NENF: variants seen among roughly 807,000 people sequenced by gnomAD.
NENF encodes the protein neudesin.
In NENF, 6 loss-of-function variants were observed where a neutral mutation model predicts 14.8. The ratio of observed to expected loss-of-function variants is 0.40; its 90% CI spans 0.22 to 0.80. The LOEUF (loss-of-function observed/expected upper bound fraction) is 0.80, where lower values mean the gene tolerates loss of function less well. Among genes scored for constraint, NENF ranks in the 30% least tolerant of loss-of-function variants. The pLI is 0.34. For synonymous variants in NENF, 76 were observed against 95.1 expected (o/e 0.80, Z 1.17); for missense variants, 184 against 212.7 (o/e 0.87, Z 0.84).
At chr1:212,443,977 G>A (rs181558101) in intron 2 of NENF, among the ~76,000 whole-genome samples, 8 of 152,192 alleles carry the variant, frequency 5.3e-5, no homozygotes, top group Admixed American at 6.5e-5. Context: ...GCTTGAACCC[G>A]GGAGGTGGAG....
At chr1:212,436,479 T>A (rs1662603839) in intron 1 of NENF, among the ~76,000 whole-genome samples, 1 of 152,042 alleles carries the variant, frequency 6.6e-6, no homozygotes, top group Admixed American at 6.5e-5. Context: ...CCAGCTACTT[T>A]TGGTATTTTT....
At chr1:212,439,150 A>G (rs894357426) in intron 1 of NENF, among the ~76,000 whole-genome samples, 2 of 152,208 alleles carry the variant, frequency 1.3e-5, no homozygotes, top group Non-Finnish European at 2.9e-5. Flanking sequence ...AATGCTAAAC[A>G]TTCTTTTCTT....
rs143929388 is a variant in NENF, at chr1:212,440,215, G to A, written c.178-2350G>A. Among the ~76,000 whole-genome samples the A allele has an allele frequency of 6.2e-3, 851 of 137,202 alleles. 4 individuals are homozygous for A. Among genetic ancestry groups the A allele is most frequent in the African/African-American group, 0.023 (816 of 35,766 alleles). The allele number at this position is 137,202 out of a possible 152,430, so 90.0% of individuals were successfully genotyped here. ...TGCAGTGAGCCGATATTGTACCACTGCACTCCAGTCTGGGTGACAGAGTAA... is the reference window on the plus strand; with the variant it reads ...TGCAGTGAGCCGATATTGTACCACTACACTCCAGTCTGGGTGACAGAGTAA... On this transcript the variant is annotated intron_variant, in intron 1 of 3. Coordinates refer to ENST00000366988, the MANE Select transcript of NENF (RefSeq NM_013349.5).
At chr1:212,435,829 G>A (rs1030078174) in intron 1 of NENF, among the ~76,000 whole-genome samples, 7 of 152,106 alleles carry the variant, frequency 4.6e-5, no homozygotes, top group African/African-American at 7.2e-5. Context: ...ACACGTGTGA[G>A]CCTCCATGCC....
In NENF at chr1:212,444,314, G is replaced by A. The variant is rs1434927457; in HGVS notation, c.239-25G>A. ...ACTCTGCATGTAAACCCACGCTTAC[G>A]TCTCTTCCTTCCTTCCCACTACAGA... On this transcript the variant is annotated intron_variant, in intron 2 of 3. Coordinates refer to ENST00000366988, the MANE Select transcript of NENF (RefSeq NM_013349.5). 8.5e-6 allele frequency: 13 copies of A among 1,522,954 alleles called. No individual in the cohort carries two copies. The East Asian group carries it at 2.6e-4, about 30-fold the overall frequency. 94.3% of individuals were successfully genotyped at this position (1,522,954 alleles called of 1,614,324 possible). A position where few individuals can be genotyped will look rare whatever the true frequency, so the allele number is the denominator to read the frequency against.
At chr1:212,434,125 T>C (rs964476152) in intron 1 of NENF, among the ~76,000 whole-genome samples, 2 of 152,202 alleles carry the variant, frequency 1.3e-5, no homozygotes, top group African/African-American at 4.8e-5. Context: ...GATGCCAGTT[T>C]GGGCATCATT....
Position 212,444,431 on chromosome 1 carries a change from A to C in NENF, c.331A>C (p.Thr111Pro). The C allele has an allele frequency of 1.3e-6, 2 of 1,599,380 alleles. No homozygotes were observed. The highest frequency in any genetic ancestry group is 1.7e-6 in the Non-Finnish European group (2 of 1,171,934). ...AKMSLDPADL[T>P]HDTTGLTAKE... ...GATGTCCTTGGATCCTGCAGACCTC[A>C]CCCATGACACTGTGAGCCAGATTAT... is the stretch of plus-strand genomic sequence containing the variant. Residue 111 changes from threonine (T) to proline (P), a missense_variant, in exon 3 of 4, where the codon ACC becomes CCC. By Grantham distance (38) the Thr-to-Pro change is conservative. Coordinates refer to ENST00000366988, the MANE Select transcript of NENF (RefSeq NM_013349.5).
intron 1 of NENF, among the ~76,000 whole-genome samples, chr1:212,436,129 A>G (rs1253310663): frequency 2.0e-5 from 3 of 152,146 alleles, no homozygotes; most frequent in Non-Finnish European, 4.4e-5. Flanking sequence ...GGACCCATGC[A>G]GTTCAAACCT....
intron 2 of NENF, among the ~76,000 whole-genome samples, chr1:212,443,880 C>G (rs1369987833): frequency 7.0e-6 from 1 of 143,056 alleles, no homozygotes; most frequent in Non-Finnish European, 1.5e-5. Context: ...CCCATCTCTT[C>G]AAAAAAAAAA....
rs573957171 is a variant in NENF, at chr1:212,443,716, A to G, written c.239-623A>G. Among the ~76,000 whole-genome samples the G allele has an allele frequency of 5.1e-4, 77 of 152,136 alleles. 5 individuals carry two copies. In the South Asian group the frequency reaches 0.016, roughly 31 times the overall value. On this transcript the variant is annotated intron_variant, in intron 2 of 3. Transcript: ENST00000366988. ...GCATCTCTAATATTTTTAAGAGACT[A>G]TTTTCTCAGTATTAACACTTAGGTG...
chr1:212,433,034 G>A lies in NENF; in HGVS notation c.91G>A (p.Ala31Thr). ...ALAPGLPTAR[A>T]GQTPRPAERG... Reference sequence around the variant, plus strand: ...GGCCCCGGGGCTGCCCACAGCCCGGGCCGGGCAGACACCGCGCCCTGCCGA... The same window carrying A: ...GGCCCCGGGGCTGCCCACAGCCCGGACCGGGCAGACACCGCGCCCTGCCGA... Residue 31 changes from alanine (A) to threonine (T), a missense_variant, in exon 1 of 4, where the codon GCC becomes ACC. Ala to Thr is a moderately conservative substitution (Grantham distance 58). Transcript: ENST00000366988. This position sits in a 1 kb window ranked among gnomAD's most constrained non-coding sequence, Gnocchi z 5.5. 5.9e-6 allele frequency: 7 copies of A among 1,183,340 alleles called. No homozygotes were observed. The highest frequency in any genetic ancestry group is 7.3e-6 in the Non-Finnish European group (7 of 956,604). 73.3% of individuals were successfully genotyped at this position (1,183,340 alleles called of 1,614,324 possible).
At chr1:212,441,900 T>C (rs375128850) in intron 1 of NENF, among the ~76,000 whole-genome samples, 2 of 152,238 alleles carry the variant, frequency 1.3e-5, no homozygotes, top group East Asian at 1.9e-4. Flanking sequence ...ATTGCTCATA[T>C]CAGTCACATC....
At chr1:212,439,261 A>G (rs1055359118) in intron 1 of NENF, among the ~76,000 whole-genome samples, 3 of 152,080 alleles carry the variant, frequency 2.0e-5, no homozygotes, top group African/African-American at 7.2e-5. Context: ...TGCTGGGTGC[A>G]GTGGCTCACG....
At chr1:212,436,079 C>T (rs576453885) in intron 1 of NENF, among the ~76,000 whole-genome samples, 1 of 152,254 alleles carries the variant, frequency 6.6e-6, no homozygotes, top group African/African-American at 2.4e-5. Context: ...GTGTTGCTAT[C>T]TCAGGGGTGG....
At chr1:212,444,955 G>C (rs1662756875) in intron 3 of NENF, among the ~76,000 whole-genome samples, 3 of 152,158 alleles carry the variant, frequency 2.0e-5, no homozygotes, top group Admixed American at 2.0e-4. Context: ...GGAGAAGATA[G>C]CATTAAAACA....
rs57220444 is a variant in NENF, at chr1:212,444,518, CGTGTGTGTGTGT to C, written c.342+115_342+126del. On this transcript the variant is annotated intron_variant, in intron 3 of 3. Coordinates refer to ENST00000366988, the MANE Select transcript of NENF (RefSeq NM_013349.5). Reference sequence around the variant, plus strand: ...CTTTTTCTCTTTTTCTTTTTCTTTTCGTGTGTGTGTGTGTGTGTGTGTGTGTGTGTGTGTGTG... The same window carrying C: ...CTTTTTCTCTTTTTCTTTTTCTTTTCGTGTGTGTGTGTGTGTGTGTGTGTG... The C allele has an allele frequency of 3.0e-3, 1,503 of 497,246 alleles. 1 individual carries two copies. The highest frequency in any genetic ancestry group is 3.7e-3 in the Non-Finnish European group (1,149 of 309,986). 30.8% of individuals were successfully genotyped at this position (497,246 alleles called of 1,614,324 possible). A position where few individuals can be genotyped will look rare whatever the true frequency, so the allele number is the denominator to read the frequency against.
Position 212,433,355 on chromosome 1 carries a change from A to G in NENF, c.177+235A>G, listed in dbSNP as rs1662551940. Among the ~76,000 whole-genome samples, 1 of 151,958 alleles carries G rather than the reference A, an allele frequency of 6.6e-6. No homozygotes were observed. On this transcript the variant is annotated intron_variant, in intron 1 of 3. Transcript: ENST00000366988. The surrounding 1 kb of genome is among the most constrained non-coding windows in gnomAD (Gnocchi z 5.5). ...CGCTTTGCCCGCACACCCCACCCTG[A>G]ACTTCTCCCTCGGTCCCCGGGAGAT...
rs1482186335 is a variant in NENF, at chr1:212,442,571, C to G, written c.184C>G (p.Gln62Glu). ...CTTCTCCCCTGCTTTCTAGGAAGAT[C>G]AGCCCATCTACTTGGCAGTGAAGGG... Reference protein sequence around the residue: ...LARYGGEEEDQPIYLAVKGVV... With the variant: ...LARYGGEEEDEPIYLAVKGVV... The change falls in exon 2 of 4, where the codon CAG (glutamine) becomes GAG (glutamate). Residue 62 changes from glutamine to glutamate, a missense_variant. By Grantham distance (29) the Gln-to-Glu change is conservative (BLOSUM62 2). Transcript: ENST00000366988. 5.0e-6 allele frequency: 8 copies of G among 1,612,806 alleles called. No individual in the cohort carries two copies. The highest frequency in any genetic ancestry group is 6.8e-6 in the Non-Finnish European group (8 of 1,178,888).
intron 3 of NENF, among the ~76,000 whole-genome samples, chr1:212,444,922 C>T (rs894877880): frequency 2.6e-5 from 4 of 152,110 alleles, no homozygotes; most frequent in Non-Finnish European, 4.4e-5. Flanking sequence ...AAAGGTCTCC[C>T]TCTATGCTTA....
Sources: allele counts gnomAD v4.1 joint callset (sites outside exome capture counted in the v4.1 genomes callset), GRCh38; gene constraint gnomAD v4.1.1; non-coding constraint Gnocchi (gnomAD v3.1); transcripts MANE v1.5; gene names NCBI Gene and HGNC (gene_info 2026-07-23, HGNC 2026-07-21).